Variants in RNF6 observed in about 807,000 individuals in gnomAD.
The protein encoded by RNF6 is ring finger protein 6.
RNF6 carries 21 observed loss-of-function variants against 50.1 expected under a neutral mutation model. That is an observed-to-expected ratio of 0.42 (90% CI 0.30 to 0.60). The LOEUF is 0.60. Ranked by LOEUF, RNF6 falls within the 20% of genes least tolerant of loss-of-function variation. The pLI, the probability that RNF6 is intolerant of heterozygous loss-of-function variation, is 0.20. For synonymous variants in RNF6, 255 were observed against 291.8 expected (o/e 0.87, Z 1.29); for missense variants, 698 against 838.2 (o/e 0.83, Z 2.07).
Position 26,212,929 on chromosome 13 carries a change from T to C in RNF6, c.*895A>G, listed in dbSNP as rs1234789534. 1 of 152,558 alleles carries C rather than the reference T, an allele frequency of 6.6e-6. No homozygotes were observed. The highest frequency in any genetic ancestry group is 1.5e-5 in the Non-Finnish European group (1 of 68,002). The allele number at this position is 152,558 out of a possible 1,614,324, so 9.5% of individuals were successfully genotyped here. On this transcript the variant is annotated 3_prime_UTR_variant, in exon 5 of 5. Transcript: ENST00000381588. ...TATTGCCTATGCATCTGATTCTTTA[T>C]AGACTTTTAGATTTTAAAACTAAAT...
At chr13:26,140,801 G>A (rs1332103367) in intron 5 of RNF6, among the ~76,000 whole-genome samples, 1 of 152,124 alleles carries the variant, frequency 6.6e-6, no homozygotes, top group Non-Finnish European at 1.5e-5. Flanking sequence ...CACAAAATCA[G>A]TGTATGAAAA....
intron 5 of RNF6, among the ~76,000 whole-genome samples, chr13:26,153,500 C>T (rs1033945553): frequency 3.9e-5 from 6 of 152,002 alleles, no homozygotes; most frequent in African/African-American, 1.2e-4. Flanking sequence ...CATGAGCCAC[C>T]GCACCCAGTC....
chr13:26,156,303 G>A (rs1051998257), intron 5 of RNF6, among the ~76,000 whole-genome samples: 4 of 152,114 alleles, frequency 2.6e-5, no homozygotes, highest in South Asian at 2.1e-4. Flanking sequence ...TTAAGGGGAC[G>A]ATCCACAAAT....
At chr13:26,148,183 C>T (rs998374178) in intron 5 of RNF6, among the ~76,000 whole-genome samples, 2 of 152,090 alleles carry the variant, frequency 1.3e-5, no homozygotes, top group Non-Finnish European at 2.9e-5. Context: ...TTAAAACCAT[C>T]AGCTCTCCTG....
intron 5 of RNF6, among the ~76,000 whole-genome samples, chr13:26,163,575 CA>C (rs1872315297): frequency 6.6e-6 from 1 of 152,080 alleles, no homozygotes; most frequent in African/African-American, 2.4e-5. Context: ...AAAGAAAGAG[CA>C]CACACTAACT....
At chr13:26,202,344 G>A (rs920876506) in intron 5 of RNF6, among the ~76,000 whole-genome samples, 57 of 152,230 alleles carry the variant, frequency 3.7e-4, no homozygotes, top group African/African-American at 1.3e-3. Context: ...TTTCCAAGGG[G>A]GTGCTGCCAC....
chr13:26,172,413 C>A (rs1438332339), intron 5 of RNF6, among the ~76,000 whole-genome samples: 1 of 152,102 alleles, frequency 6.6e-6, no homozygotes, highest in Admixed American at 6.5e-5. Flanking sequence ...GATAAAGGAA[C>A]AATTTCTTCA....
downstream of RNF6, among the ~76,000 whole-genome samples, chr13:26,211,880 A>G (rs1314633737): frequency 1.3e-5 from 2 of 152,248 alleles, no homozygotes; most frequent in African/African-American, 4.8e-5. Context: ...TTAAATTGGC[A>G]TACCTTGTAA....
rs939306271 is a variant in RNF6, at chr13:26,150,643, C to T, written n.769-18192G>A. Among the ~76,000 whole-genome samples, 37 of 151,536 alleles carry T rather than the reference C, an allele frequency of 2.4e-4. 1 individual carries two copies. The highest frequency in any genetic ancestry group is 2.4e-3 in the Admixed American group (37 of 15,222). On this transcript the variant is annotated intron_variant and non_coding_transcript_variant, in intron 5 of 5. Transcript: ENST00000468480. ...CAGATATATAAGCCAGAGTATATAA[C>T]TTAAAATTTAAAACCTCAAAACTTG...
chr13:26,192,085 T>C (rs1868486387), intron 5 of RNF6, among the ~76,000 whole-genome samples: 1 of 152,232 alleles, frequency 6.6e-6, no homozygotes, highest in South Asian at 2.1e-4. Flanking sequence ...ATCAGAGAGA[T>C]AGCCGGGGAT....
chr13:26,188,789 C>G (rs1047422776), intron 5 of RNF6, among the ~76,000 whole-genome samples: 9 of 151,640 alleles, frequency 5.9e-5, no homozygotes, highest in Non-Finnish European at 8.8e-5. Flanking sequence ...GCCACCATGC[C>G]CGGTTAATTT....
At chr13:26,183,518 T>C (rs1873338810) in intron 5 of RNF6, among the ~76,000 whole-genome samples, 1 of 152,230 alleles carries the variant, frequency 6.6e-6, no homozygotes, top group South Asian at 2.1e-4. Flanking sequence ...GGATCAGGAC[T>C]CTAATTCACT....
chr13:26,189,412 A>C (rs1868374935), intron 5 of RNF6, among the ~76,000 whole-genome samples: 1 of 152,210 alleles, frequency 6.6e-6, no homozygotes, highest in African/African-American at 2.4e-5. Context: ...TAACAGGCTT[A>C]GTGTGAGTTG....
chr13:26,133,463 G>A (rs1870494339), intron 5 of RNF6, among the ~76,000 whole-genome samples: 1 of 152,168 alleles, frequency 6.6e-6, no homozygotes, highest in Admixed American at 6.5e-5. Context: ...ATGAAGGTTA[G>A]CTGTTTGGTT....
intron 5 of RNF6, among the ~76,000 whole-genome samples, chr13:26,134,567 G>A (rs1870553173): frequency 6.6e-6 from 1 of 151,992 alleles, no homozygotes; most frequent in African/African-American, 2.4e-5. Context: ...CCAGATGTAT[G>A]AGATAAATGG....
chr13:26,203,492 A>G (rs1164068080), intron 5 of RNF6, among the ~76,000 whole-genome samples: 1 of 152,266 alleles, frequency 6.6e-6, no homozygotes, highest in Non-Finnish European at 1.5e-5. Context: ...TGCTGTGAGA[A>G]GCACGACTGA....
chr13:26,145,236 A>T (rs975057147), intron 5 of RNF6, among the ~76,000 whole-genome samples: 2 of 152,348 alleles, frequency 1.3e-5, no homozygotes. Context: ...TGGAGTCACC[A>T]CCTAGTTAAG....
intron 5 of RNF6, chr13:26,154,170 G>A (rs1029901247): frequency 2.6e-5 from 4 of 152,226 alleles, no homozygotes; most frequent in African/African-American, 7.2e-5. Flanking sequence ...ACTGTACTTG[G>A]CTGTGCTGTA....
intron 5 of RNF6, among the ~76,000 whole-genome samples, chr13:26,166,202 G>A (rs966776246): frequency 1.3e-5 from 2 of 152,194 alleles, no homozygotes; most frequent in Admixed American, 6.5e-5. Context: ...TGCCATGTGA[G>A]ATGTGCCTTT....
Sources: allele counts gnomAD v4.1 joint callset (sites outside exome capture counted in the v4.1 genomes callset), GRCh38; gene constraint gnomAD v4.1.1; transcripts MANE v1.5; gene names NCBI Gene and HGNC (gene_info 2026-07-23, HGNC 2026-07-21).